Variants in USH2A observed in about 807,000 individuals in gnomAD.
USH2A encodes Usher syndrome 2A (autosomal recessive, mild).
Under a neutral mutation model 538.9 loss-of-function variants are expected in USH2A, and 443 were observed. The ratio of observed to expected loss-of-function variants is 0.82; its 90% CI spans 0.76 to 0.89. The LOEUF is 0.89. Among genes scored for constraint, USH2A ranks in the 40% least tolerant of loss-of-function variants. The pLI, the probability that USH2A is intolerant of heterozygous loss-of-function variation, is 0.00. For missense variants in USH2A, 6,633 were observed against 6,324.8 expected (o/e 1.05, Z -1.65); for synonymous variants, 2,413 against 2,273.5 (o/e 1.06, Z -1.75).
At chr1:215,809,680 A>C (rs142648126) in intron 49 of USH2A, among the ~76,000 whole-genome samples, 85 of 152,230 alleles carry the variant, frequency 5.6e-4, no homozygotes, top group Non-Finnish European at 1.0e-3. Context: ...ATTAACATTT[A>C]CTTGGGGTTA....
intron 47 of USH2A, among the ~76,000 whole-genome samples, chr1:215,823,634 T>A (rs1415512532): frequency 6.6e-6 from 1 of 152,096 alleles, no homozygotes; most frequent in African/African-American, 2.4e-5. Context: ...TTTCTACCTC[T>A]TGCTCTTGTT....
At chr1:216,181,232 G>A (rs1169365971) in intron 20 of USH2A, among the ~76,000 whole-genome samples, 3 of 151,948 alleles carry the variant, frequency 2.0e-5, no homozygotes, top group African/African-American at 4.8e-5. Context: ...TCTATTCTTC[G>A]GTTACTTCAA....
intron 64 of USH2A, among the ~76,000 whole-genome samples, chr1:215,664,174 CA>C (rs1306758868): frequency 1.3e-5 from 2 of 152,130 alleles, no homozygotes; most frequent in Non-Finnish European, 2.9e-5. Flanking sequence ...GTGAAATAGT[CA>C]TGACAACTTT....
At position 216,242,332 on chromosome 1, in the gene USH2A, G is replaced by T. The variant is rs180829880; in HGVS notation, c.2809+4253C>A. Reference sequence around the variant, plus strand: ...CACTGAACTCTAGCCCTCTAGCCTGGGCGACAGAGCTAGACTCCATCTCAA... The same window carrying T: ...CACTGAACTCTAGCCCTCTAGCCTGTGCGACAGAGCTAGACTCCATCTCAA... On this transcript the variant is annotated intron_variant, in intron 13 of 71. Transcript: ENST00000307340. Among the ~76,000 whole-genome samples the T allele has an allele frequency of 1.5e-4, 22 of 151,082 alleles. 1 individual carries two copies. Among genetic ancestry groups the T allele is most frequent in the Admixed American group, 3.3e-4 (5 of 15,172 alleles).
intron 67 of USH2A, 81 bp downstream of exon 67, chr1:215,647,441 G>A (rs1196915852): frequency 6.4e-7 from 1 of 1,551,004 alleles, no homozygotes; most frequent in Admixed American, 1.7e-5. Flanking sequence ...TTTTAAAAGT[G>A]GCTTCTCCGA....
chr1:216,403,138 A>C (rs1487117512), intron 3 of USH2A, among the ~76,000 whole-genome samples: 1 of 152,168 alleles, frequency 6.6e-6, no homozygotes, highest in African/African-American at 2.4e-5. Flanking sequence ...ACAATTGAAA[A>C]TCAATCAGTG....
Position 216,084,680 on chromosome 1 carries a change from T to C in USH2A, c.5167+18A>G. 1 of 1,611,856 alleles carries C rather than the reference T, an allele frequency of 6.2e-7. No individual in the cohort carries two copies. Among genetic ancestry groups the C allele is most frequent in the Non-Finnish European group, 8.5e-7 (1 of 1,179,280 alleles). ...CATAGATTTTAAGTGAACACTCATG[T>C]CTTTTTTAGAGCATTACCTGCTCCT... On this transcript the variant is annotated intron_variant, in intron 25 of 71. Transcript: ENST00000307340.
intron 37 of USH2A, among the ~76,000 whole-genome samples, chr1:215,936,035 A>AT (rs147387937): frequency 0.041 from 6,246 of 152,066 alleles, 138 homozygotes; most frequent in Middle Eastern, 0.088. Flanking sequence ...ACAGAGTGAG[A>AT]TTTTTTTATC....
At chr1:215,902,244 C>G (rs981976701) in intron 38 of USH2A, among the ~76,000 whole-genome samples, 35 of 152,042 alleles carry the variant, frequency 2.3e-4, no homozygotes, top group African/African-American at 8.5e-4. Flanking sequence ...TATACATAAC[C>G]TTGTGTAGTG....
Position 215,630,514 on chromosome 1 carries a change from ATATATATATATAT to A in USH2A, c.15298-1492_15298-1480del, listed in dbSNP as rs1373556669. On this transcript the variant is annotated intron_variant, in intron 70 of 71. Transcript: ENST00000307340. ...TATATATATATATATATATATATAT[ATATATATATATAT>A]GAGAGAGAGAAAGTTGGGTTTTGCA... is the stretch of plus-strand genomic sequence containing the variant. Among the ~76,000 whole-genome samples, 46 of 99,078 alleles carry A rather than the reference ATATATATATATAT, an allele frequency of 4.6e-4. 1 individual carries two copies. Among genetic ancestry groups the A allele is most frequent in the African/African-American group, 1.3e-3 (41 of 32,634 alleles). The allele number at this position is 99,078 out of a possible 152,430, so 65.0% of individuals were successfully genotyped here. A position where few individuals can be genotyped will look rare whatever the true frequency, so the allele number is the denominator to read the frequency against.
At chr1:215,828,254 C>G (rs924509160) in intron 47 of USH2A, among the ~76,000 whole-genome samples, 7 of 151,988 alleles carry the variant, frequency 4.6e-5, no homozygotes, top group African/African-American at 1.5e-4. Flanking sequence ...GTTCGAAAGA[C>G]CAGCCTGGGC....
intron 5 of USH2A, among the ~76,000 whole-genome samples, chr1:216,326,926 A>G (rs2037743682): frequency 6.6e-6 from 1 of 152,150 alleles, no homozygotes; most frequent in African/African-American, 2.4e-5. Flanking sequence ...CATAAGCTGA[A>G]GAAGAAAGTT....
intron 11 of USH2A, among the ~76,000 whole-genome samples, chr1:216,283,623 C>A (rs1027954020): frequency 2.0e-5 from 3 of 152,036 alleles, no homozygotes; most frequent in Non-Finnish European, 4.4e-5. Flanking sequence ...ATTTTTAGCC[C>A]TCTACTTGTT....
At position 216,199,755 on chromosome 1, in the gene USH2A, C is replaced by G. The variant is rs2034938926; in HGVS notation, c.3683G>C (p.Cys1228Ser). 6.2e-7 allele frequency: 1 copy of G among 1,613,984 alleles called. No individual in the cohort carries two copies. Among genetic ancestry groups the G allele is most frequent in the African/African-American group, 1.3e-5 (1 of 74,934 alleles). Residue 1228 changes from cysteine to serine, a missense_variant, in exon 17 of 72, where the codon TGT becomes TCT. Coordinates refer to ENST00000307340, the MANE Select transcript of USH2A (RefSeq NM_206933.4). ...FSVQACTSGG[C>S]LHSLPITVTT... The stretch of plus-strand genomic sequence containing the variant: ...CACTGTAATGGGCAAGCTGTGTAAA[C>G]AGCCCCCGCTAGTACACGCCTGTAC...
chr1:216,367,235 G>A (rs1479661476), intron 3 of USH2A, among the ~76,000 whole-genome samples: 1 of 152,118 alleles, frequency 6.6e-6, no homozygotes, highest in Non-Finnish European at 1.5e-5. Context: ...GCATGAGAGA[G>A]CCAACAATAT....
intron 15 of USH2A, among the ~76,000 whole-genome samples, chr1:216,208,590 ACAGAACTG>A (rs1413060376): frequency 6.6e-6 from 1 of 152,180 alleles, no homozygotes; most frequent in Non-Finnish European, 1.5e-5. Flanking sequence ...ACTCTCAGGT[ACAGAACTG>A]CAGAGCTCTT....
chr1:216,349,185 T>C (rs1288615559), intron 4 of USH2A, among the ~76,000 whole-genome samples: 1 of 152,140 alleles, frequency 6.6e-6, no homozygotes, highest in Non-Finnish European at 1.5e-5. Flanking sequence ...CATTTTCTGA[T>C]TGAGTTCCTC....
At chr1:216,366,404 G>A (rs1420596808) in intron 3 of USH2A, among the ~76,000 whole-genome samples, 1 of 151,964 alleles carries the variant, frequency 6.6e-6, no homozygotes, top group East Asian at 1.9e-4. Flanking sequence ...GGTACATGGG[G>A]GTACAGCATG....
intron 21 of USH2A, among the ~76,000 whole-genome samples, chr1:216,155,064 GACAGT>G (rs1321784476): frequency 6.6e-6 from 1 of 152,018 alleles, no homozygotes; most frequent in Non-Finnish European, 1.5e-5. Context: ...ACAAAATTAC[GACAGT>G]AAGAGAAATC....
Sources: allele counts gnomAD v4.1 joint callset (sites outside exome capture counted in the v4.1 genomes callset), GRCh38; gene constraint gnomAD v4.1.1; transcripts MANE v1.5; gene names NCBI Gene and HGNC (gene_info 2026-07-23, HGNC 2026-07-21).